Variants in PTCHD4 observed in about 807,000 individuals in gnomAD.
PTCHD4 encodes the protein patched domain containing 4, also known as patched domain-containing protein 4.
PTCHD4 carries 33 observed loss-of-function variants against 58.1 expected under a neutral mutation model. That is an observed-to-expected ratio of 0.57 (90% CI 0.43 to 0.76). The LOEUF (loss-of-function observed/expected upper bound fraction) is 0.76. Among genes scored for constraint, PTCHD4 ranks in the 30% least tolerant of loss-of-function variants. The probability of loss-of-function intolerance (pLI) is 0.00; values close to 1 mark genes in which losing one functional copy is unlikely to be tolerated. For missense variants in PTCHD4, 1,058 were observed against 1,027.1 expected (o/e 1.03, Z -0.41); for synonymous variants, 478 against 409.6 (o/e 1.17, Z -2.02).
intron 3 of PTCHD4, among the ~76,000 whole-genome samples, chr6:48,064,344 A>G (rs1269560476): frequency 2.0e-5 from 3 of 152,200 alleles, no homozygotes; most frequent in African/African-American, 7.2e-5. Flanking sequence ...ACCTAAAAAC[A>G]GGGAAATATT....
At chr6:48,039,585 A>C (rs1763770404) in intron 3 of PTCHD4, among the ~76,000 whole-genome samples, 1 of 152,082 alleles carries the variant, frequency 6.6e-6, no homozygotes, top group Non-Finnish European at 1.5e-5. Flanking sequence ...TATTTCTTTT[A>C]TGTATTCTCC....
chr6:48,052,250 G>A (rs1764260521), intron 3 of PTCHD4, among the ~76,000 whole-genome samples: 1 of 151,958 alleles, frequency 6.6e-6, no homozygotes, highest in Admixed American at 6.6e-5. Flanking sequence ...AGGGTAGGAG[G>A]TTGAGAATGA....
chr6:47,963,087 C>A (rs113945818), intron 4 of PTCHD4, among the ~76,000 whole-genome samples: 20 of 151,820 alleles, frequency 1.3e-4, no homozygotes, highest in African/African-American at 4.6e-4. Context: ...CAAGATCGTA[C>A]CACTACACTC....
At chr6:47,956,481 T>C (rs1474994679) in intron 4 of PTCHD4, among the ~76,000 whole-genome samples, 1 of 152,080 alleles carries the variant, frequency 6.6e-6, no homozygotes, top group African/African-American at 2.4e-5. Flanking sequence ...TCATCCAGGC[T>C]GGAGTGCAGT....
rs571755922 is a variant in PTCHD4, at chr6:47,974,089, A to T, written c.898+34545T>A. On this transcript the variant is annotated intron_variant, in intron 4 of 4. Coordinates refer to ENST00000339488, the MANE Select transcript of PTCHD4 (RefSeq NM_001384253.1). Reference sequence around the variant, plus strand: ...TGAGCTGACTGCACATGAAGAGAAGACATAAAGAAGAAGACGGGAATGAGT... The same window carrying T: ...TGAGCTGACTGCACATGAAGAGAAGTCATAAAGAAGAAGACGGGAATGAGT... 9.2e-5 allele frequency among the ~76,000 whole-genome samples: 14 copies of T among 152,364 alleles called. No individual in the cohort carries two copies. The South Asian group carries it at 1.7e-3, about 18-fold the overall frequency.
chr6:48,034,600 G>T (rs1763565325), intron 3 of PTCHD4, among the ~76,000 whole-genome samples: 2 of 152,112 alleles, frequency 1.3e-5, no homozygotes, highest in African/African-American at 4.8e-5. Flanking sequence ...TGACATTTAA[G>T]TGAGAGTTAA....
At chr6:48,051,696 T>C (rs925825873) in intron 3 of PTCHD4, among the ~76,000 whole-genome samples, 8 of 152,014 alleles carry the variant, frequency 5.3e-5, no homozygotes, top group African/African-American at 1.9e-4. Context: ...TAACTGATCA[T>C]AGCAAAATAG....
In PTCHD4 at chr6:47,942,282, A is replaced by G. The variant is rs181841275; in HGVS notation, c.899-62346T>C. ...ATGACACCATCACTGGCATAAGCTT[A>G]TGGTCTCAGAATAACTATTTTGAAA... On this transcript the variant is annotated intron_variant, in intron 4 of 4. Transcript: ENST00000339488. Among the ~76,000 whole-genome samples, 773 of 152,356 alleles carry G rather than the reference A, an allele frequency of 5.1e-3. 4 individuals carry two copies. Among genetic ancestry groups the G allele is most frequent in the African/African-American group, 0.017 (698 of 41,594 alleles).
At chr6:48,070,558 G>T (rs1184978226) in intron 1 of PTCHD4, among the ~76,000 whole-genome samples, 5 of 152,150 alleles carry the variant, frequency 3.3e-5, no homozygotes, top group African/African-American at 1.2e-4. Context: ...GACCTTGGCG[G>T]CCATTCTGTT....
chr6:48,060,000 C>T (rs1387595511), intron 3 of PTCHD4, among the ~76,000 whole-genome samples: 3 of 152,114 alleles, frequency 2.0e-5, no homozygotes, highest in Non-Finnish European at 4.4e-5. Context: ...ATTTTTCATC[C>T]ATGATAATTT....
rs760883147 is a variant in PTCHD4 at position 47,878,569 on chromosome 6, T to C, written c.2266A>G (p.Ile756Val). ...AGAAAAGAAGTAACATTTTGCAAAATGGCTGTCCCATGGTCTTGCAAGGAG... is the reference window on the plus strand; with the variant it reads ...AGAAAAGAAGTAACATTTTGCAAAACGGCTGTCCCATGGTCTTGCAAGGAG... ...KSSLQDHGTA[I>V]LQNVTSFLIG... is the part of the protein sequence containing the mutation. The change falls in exon 5 of 5, where the codon ATT becomes GTT. Residue 756 changes from isoleucine (I) to valine (V), a missense_variant. Physicochemically the swap from Ile to Val is conservative, Grantham distance 29. Transcript: ENST00000339488. 3 of 1,613,580 alleles carry C rather than the reference T, an allele frequency of 1.9e-6. No homozygotes were observed. The highest frequency in any genetic ancestry group is 2.2e-5 in the East Asian group (1 of 44,848).
In PTCHD4 at chr6:48,073,821, C is replaced by T. The variant is rs200587381; in HGVS notation, c.-969-3895G>A. 5.3e-5 allele frequency among the ~76,000 whole-genome samples: 8 copies of T among 152,148 alleles called. No homozygotes were observed. In the East Asian group the frequency reaches 5.8e-4, roughly 11 times the overall value. On this transcript the variant is annotated intron_variant, in intron 1 of 4. Transcript: ENST00000339488. ...AGAAACATCACTTTTTCATGCATCT[C>T]TCTGATTTGCACTTAACCTCCAGGG...
At chr6:48,034,514 G>C (rs753127530) in intron 3 of PTCHD4, among the ~76,000 whole-genome samples, 4 of 152,054 alleles carry the variant, frequency 2.6e-5, no homozygotes, top group Non-Finnish European at 4.4e-5. Flanking sequence ...ATTACCCAGG[G>C]ACCATTTGGT....
chr6:47,958,476 C>T (rs1766955640), intron 4 of PTCHD4, among the ~76,000 whole-genome samples: 2 of 152,166 alleles, frequency 1.3e-5, no homozygotes, highest in Admixed American at 1.3e-4. Flanking sequence ...GACGTGAACC[C>T]TGCCATTACT....
intron 4 of PTCHD4, among the ~76,000 whole-genome samples, chr6:47,971,344 A>C (rs1213265527): frequency 2.6e-5 from 4 of 152,066 alleles, no homozygotes; most frequent in Non-Finnish European, 5.9e-5. Flanking sequence ...ATAAAAAAAA[A>C]ATCCCTCTAG....
chr6:47,912,217 C>T (rs1320065444), intron 4 of PTCHD4, among the ~76,000 whole-genome samples: 1 of 152,088 alleles, frequency 6.6e-6, no homozygotes, highest in Non-Finnish European at 1.5e-5. Flanking sequence ...ACATATCCTT[C>T]ATGCAACTAG....
chr6:47,883,033 ACT>A (rs1764069715), intron 4 of PTCHD4, among the ~76,000 whole-genome samples: 1 of 151,850 alleles, frequency 6.6e-6, no homozygotes, highest in Non-Finnish European at 1.5e-5. Context: ...TCTTTTTATT[ACT>A]TATTCTAAAA....
chr6:48,020,523 G>T (rs983886781), intron 3 of PTCHD4, among the ~76,000 whole-genome samples: 1 of 149,976 alleles, frequency 6.7e-6, no homozygotes, highest in South Asian at 2.3e-4. Flanking sequence ...GGCAAAAACC[G>T]TAATTACTTT....
chr6:47,922,250 G>A (rs989179970), intron 4 of PTCHD4, among the ~76,000 whole-genome samples: 9 of 152,234 alleles, frequency 5.9e-5, no homozygotes, highest in African/African-American at 2.2e-4. Context: ...ACTAGTTTTA[G>A]GAGACTCCTT....
Sources: gnomAD v4.1 joint callset for allele counts (sites outside exome capture counted in the v4.1 genomes callset) on GRCh38, gnomAD v4.1.1 for gene constraint, MANE v1.5 for transcripts, NCBI Gene and HGNC (gene_info 2026-07-23, HGNC 2026-07-21) for gene names.